The following UBE2E2 variants were observed in gnomAD, a reference collection of about 807,000 sequenced individuals.
The protein encoded by UBE2E2 is ubiquitin-conjugating enzyme E2 E2.
In UBE2E2, 6 loss-of-function variants were observed where a neutral mutation model predicts 24.7. That is an observed-to-expected ratio of 0.24 (90% CI 0.13 to 0.48). UBE2E2 has a LOEUF of 0.48. UBE2E2 is among the 20% of genes least tolerant of loss of function. The pLI, the probability that UBE2E2 is intolerant of heterozygous loss-of-function variation, is 0.99. For missense variants in UBE2E2, 169 were observed against 245.0 expected (o/e 0.69, Z 2.07); for synonymous variants, 104 against 83.6 (o/e 1.24, Z -1.33).
chr3:23,305,870 C>T (rs1375441305), intron 3 of UBE2E2, among the ~76,000 whole-genome samples: 1 of 152,148 alleles, frequency 6.6e-6, no homozygotes, highest in Admixed American at 6.6e-5. Context: ...GCTGAGATTA[C>T]AGGTGTGAGC....
At chr3:23,458,209 C>T (rs77376455) in intron 3 of UBE2E2, among the ~76,000 whole-genome samples, 2,147 of 152,004 alleles carry the variant, frequency 0.014, 50 homozygotes, top group African/African-American at 0.049. Context: ...GACCTAATTT[C>T]AGTATTGTTG....
At chr3:23,203,140 G>T, upstream of UBE2E2, 1 of 984,628 alleles carries the variant, frequency 1.0e-6, no homozygotes, top group African/African-American at 1.8e-5. Context: ...GGGCGGCGGC[G>T]GCTCCCGGAG....
intron 3 of UBE2E2, among the ~76,000 whole-genome samples, chr3:23,348,858 G>A (rs1695639502): frequency 6.6e-6 from 1 of 152,152 alleles, no homozygotes; most frequent in Non-Finnish European, 1.5e-5. Flanking sequence ...GGAGCAAAGT[G>A]CCATCTCTGT....
At chr3:23,351,004 C>G (rs957287579) in intron 3 of UBE2E2, among the ~76,000 whole-genome samples, 2 of 152,194 alleles carry the variant, frequency 1.3e-5, no homozygotes, top group African/African-American at 4.8e-5. Flanking sequence ...GGGTTACCCA[C>G]AAAGGGAAGC....
intron 5 of UBE2E2, among the ~76,000 whole-genome samples, chr3:23,548,555 A>C (rs1695572801): frequency 6.6e-6 from 1 of 152,158 alleles, no homozygotes; most frequent in African/African-American, 2.4e-5. Flanking sequence ...TTAAGACAGA[A>C]CTTTGCGGTG....
chr3:23,462,117 A>G (rs1320748294), intron 3 of UBE2E2, among the ~76,000 whole-genome samples: 1 of 152,176 alleles, frequency 6.6e-6, no homozygotes, highest in Non-Finnish European at 1.5e-5. Context: ...TATATTTTCA[A>G]AAATGCCTCC....
rs35305944 is a variant in UBE2E2, at chr3:23,291,069, T to TAAAA, written c.227+73766_227+73769dup. Among the ~76,000 whole-genome samples the TAAAA allele has an allele frequency of 1.9e-4, 24 of 125,498 alleles. 4 individuals are homozygous for TAAAA. Among genetic ancestry groups the TAAAA allele is most frequent in the African/African-American group, 2.4e-4 (8 of 33,312 alleles). 82.3% of individuals were successfully genotyped at this position (125,498 alleles called of 152,430 possible). On this transcript the variant is annotated intron_variant, in intron 3 of 5. Transcript: ENST00000396703. ...GGGAGACAGAGCAAGACCCTGTCTTTAAAAAAAAAAAACAAAAAACGTGAG... is the reference window on the plus strand; with the variant it reads ...GGGAGACAGAGCAAGACCCTGTCTTTAAAAAAAAAAAAAAAACAAAAAACGTGAG...
In UBE2E2 at chr3:23,589,823, G is replaced by A. The variant is rs1255602950; in HGVS notation, c.598G>A (p.Ala200Thr). The A allele has an allele frequency of 3.7e-6, 6 of 1,614,034 alleles. No homozygotes were observed. Among genetic ancestry groups the A allele is most frequent in the East Asian group, 2.2e-5 (1 of 44,898 alleles). ...GGCCAGACAGTGGACCAAGCGGTAC[G>A]CCACATAGGGGCCTGCTGCCTGCCG... ...RMARQWTKRY[A>T]T Residue 200 changes from alanine to threonine, a missense_variant, in exon 6 of 6, where the codon GCC becomes ACC. This residue lies in a region of UBE2E2 where 105 missense variants were observed against 180.7 expected (regional missense o/e 0.58). Coordinates refer to ENST00000396703, the MANE Select transcript of UBE2E2 (RefSeq NM_152653.4). This position sits in a 1 kb window ranked among gnomAD's most constrained non-coding sequence, Gnocchi z 4.1.
intron 3 of UBE2E2, among the ~76,000 whole-genome samples, chr3:23,298,127 A>T (rs1356713961): frequency 6.6e-6 from 1 of 152,190 alleles, no homozygotes; most frequent in African/African-American, 2.4e-5. Flanking sequence ...TGATTTTTGT[A>T]CATTGAATTT....
At chr3:23,523,200 G>A (rs1187992208) in intron 4 of UBE2E2, among the ~76,000 whole-genome samples, 1 of 152,124 alleles carries the variant, frequency 6.6e-6, no homozygotes, top group East Asian at 1.9e-4. Context: ...GAATCTGTTT[G>A]CCCCTTATCA....
intron 3 of UBE2E2, among the ~76,000 whole-genome samples, chr3:23,236,613 A>C (rs1318015331): frequency 6.6e-6 from 1 of 151,846 alleles, no homozygotes; most frequent in East Asian, 1.9e-4. Flanking sequence ...GTCAGTTTAC[A>C]TGTGTCTAGC....
chr3:23,261,102 CA>C (rs1454301109), intron 3 of UBE2E2, among the ~76,000 whole-genome samples: 1 of 148,396 alleles, frequency 6.7e-6, no homozygotes, highest in Non-Finnish European at 1.5e-5. Context: ...GAACCTGTCT[CA>C]AAAAAATTAA....
intron 5 of UBE2E2, among the ~76,000 whole-genome samples, chr3:23,551,193 G>A (rs545916292): frequency 2.8e-4 from 43 of 151,998 alleles, no homozygotes; most frequent in Non-Finnish European, 5.6e-4. Flanking sequence ...ATATTACCAC[G>A]GACTTAAAAG....
chr3:23,426,248 T>C (rs981633121), intron 3 of UBE2E2, among the ~76,000 whole-genome samples: 20 of 152,056 alleles, frequency 1.3e-4, no homozygotes, highest in African/African-American at 4.8e-4. Flanking sequence ...ATCCAAGAAC[T>C]GTGGAACAAC....
intron 3 of UBE2E2, among the ~76,000 whole-genome samples, chr3:23,467,621 TG>T (rs1698950105): frequency 6.6e-6 from 1 of 152,184 alleles, no homozygotes; most frequent in Admixed American, 6.5e-5. Flanking sequence ...CTCTTAGTTT[TG>T]TTTTTTTTCA....
intron 4 of UBE2E2, among the ~76,000 whole-genome samples, chr3:23,500,530 C>A (rs925535807): frequency 6.6e-6 from 1 of 152,124 alleles, no homozygotes; most frequent in African/African-American, 2.4e-5. Flanking sequence ...AAGGAAATGA[C>A]CCTGAGGACA....
At chr3:23,457,131 T>A (rs1040941405) in intron 3 of UBE2E2, among the ~76,000 whole-genome samples, 1 of 152,078 alleles carries the variant, frequency 6.6e-6, no homozygotes, top group Non-Finnish European at 1.5e-5. Context: ...TGAGGTGGAG[T>A]AAAGGCAGCA....
At chr3:23,529,330 A>G (rs1300645651) in intron 4 of UBE2E2, among the ~76,000 whole-genome samples, 3 of 152,228 alleles carry the variant, frequency 2.0e-5, no homozygotes, top group African/African-American at 7.2e-5. Context: ...GACTGTATTA[A>G]TGTCAGTTTC....
intron 3 of UBE2E2, among the ~76,000 whole-genome samples, chr3:23,476,817 C>T (rs547251606): frequency 3.3e-5 from 5 of 152,254 alleles, no homozygotes; most frequent in South Asian, 2.1e-4. Context: ...AAAGCTGTCA[C>T]GAGTTACTGC....
Sources: gnomAD v4.1 joint callset for allele counts (sites outside exome capture counted in the v4.1 genomes callset) on GRCh38, gnomAD v4.1.1 for gene constraint, gnomAD v4.1.1 regional missense constraint, Gnocchi (gnomAD v3.1) non-coding constraint, MANE v1.5 for transcripts, NCBI Gene and HGNC (gene_info 2026-07-23, HGNC 2026-07-21) for gene names.